The following MCTP1 variants were observed in gnomAD, a reference collection of about 807,000 sequenced individuals.
MCTP1 encodes multiple C2 and transmembrane domain-containing protein 1.
Under a neutral mutation model 120.6 loss-of-function variants are expected in MCTP1, and 69 were observed. The ratio of observed to expected loss-of-function variants is 0.57; its 90% CI spans 0.47 to 0.70. The LOEUF (loss-of-function observed/expected upper bound fraction) is 0.70, where lower values mean the gene tolerates loss of function less well. Among genes scored for constraint, MCTP1 ranks in the 30% least tolerant of loss-of-function variants. The pLI, the probability that MCTP1 is intolerant of heterozygous loss-of-function variation, is 0.00. For synonymous variants in MCTP1, 529 were observed against 493.1 expected, an observed-to-expected ratio of 1.07 and a Z score of -0.96; for missense variants, 1,203 against 1,248.8, an observed-to-expected ratio of 0.96 and a Z score of 0.55.
intron 2 of MCTP1, among the ~76,000 whole-genome samples, chr5:95,010,448 G>A (rs967435581): frequency 1.4e-4 from 21 of 152,008 alleles, no homozygotes; most frequent in South Asian, 8.3e-4. Context: ...ATATAAATTC[G>A]CAAATCTCAA....
chr5:95,223,098 C>T (rs1204031922), intron 1 of MCTP1, among the ~76,000 whole-genome samples: 2 of 152,176 alleles, frequency 1.3e-5, no homozygotes, highest in Non-Finnish European at 2.9e-5. Context: ...TACTTATTTA[C>T]TCATCAGCTT....
chr5:95,009,943 C>T (rs919658451), intron 2 of MCTP1, among the ~76,000 whole-genome samples: 3 of 152,130 alleles, frequency 2.0e-5, no homozygotes, highest in African/African-American at 4.8e-5. Context: ...GTGCCCGTTA[C>T]GTAGAAATGA....
intron 18 of MCTP1, among the ~76,000 whole-genome samples, chr5:94,782,423 G>T (rs1776762088): frequency 6.6e-6 from 1 of 152,090 alleles, no homozygotes. Context: ...TAATGGTCCA[G>T]TGAAATGGAT....
intron 7 of MCTP1, among the ~76,000 whole-genome samples, chr5:94,920,538 C>G (rs1487636532): frequency 1.3e-5 from 2 of 151,676 alleles, no homozygotes; most frequent in African/African-American, 2.4e-5. Context: ...GTCAGGAGAT[C>G]GAGACCATCC....
chr5:94,880,307 G>C (rs894439112), intron 12 of MCTP1, among the ~76,000 whole-genome samples: 1 of 152,060 alleles, frequency 6.6e-6, no homozygotes, highest in Admixed American at 6.6e-5. Context: ...AGGACTTATA[G>C]TAAATATATA....
chr5:95,280,022 T>G (rs919194698), intron 1 of MCTP1, among the ~76,000 whole-genome samples: 2 of 152,196 alleles, frequency 1.3e-5, no homozygotes, highest in Non-Finnish European at 2.9e-5. Context: ...TGTGCCTTCT[T>G]TAAGATGGAG....
At chr5:94,906,567 G>T (rs1006818221) in intron 10 of MCTP1, among the ~76,000 whole-genome samples, 2 of 152,054 alleles carry the variant, frequency 1.3e-5, no homozygotes, top group Admixed American at 6.6e-5. Context: ...TTTGCAAGTG[G>T]CTCTTTCATT....
chr5:95,150,813 C>T (rs1434548577), intron 1 of MCTP1, among the ~76,000 whole-genome samples: 1 of 152,086 alleles, frequency 6.6e-6, no homozygotes, highest in Non-Finnish European at 1.5e-5. Context: ...GCACCAAAGT[C>T]CACAGTTGAA....
At chr5:95,111,431 A>G (rs151187511) in intron 1 of MCTP1, among the ~76,000 whole-genome samples, 70 of 152,338 alleles carry the variant, frequency 4.6e-4, no homozygotes, top group Admixed American at 1.3e-3. Context: ...CAAAGCTTTT[A>G]TCACAGCTTC....
intron 1 of MCTP1, among the ~76,000 whole-genome samples, chr5:95,108,905 T>C (rs1757275689): frequency 6.6e-6 from 1 of 152,228 alleles, no homozygotes; most frequent in Admixed American, 6.5e-5. Context: ...CAGTATCTAC[T>C]ATATACCAGA....
chr5:95,150,174 A>G (rs1367925009), intron 1 of MCTP1, among the ~76,000 whole-genome samples: 1 of 152,210 alleles, frequency 6.6e-6, no homozygotes, highest in African/African-American at 2.4e-5. Flanking sequence ...TCTAAAGTGC[A>G]GCATCTCTTC....
chr5:95,284,868 A>G lies in MCTP1; in HGVS notation c.-293T>C, dbSNP rs1488552458. ...ACCGAATCCCGGCCGCGGCGCCTGCAAAGTTTTTCCCTCGAAGCTCCGCGG... is the reference window on the plus strand; with the variant it reads ...ACCGAATCCCGGCCGCGGCGCCTGCGAAGTTTTTCCCTCGAAGCTCCGCGG... On this transcript the variant is annotated 5_prime_UTR_variant, in exon 1 of 23. Coordinates refer to ENST00000515393, the MANE Select transcript of MCTP1 (RefSeq NM_024717.7). The surrounding 1 kb of genome is among the most constrained non-coding windows in gnomAD (Gnocchi z 5.2). Among the ~76,000 whole-genome samples the G allele has an allele frequency of 2.0e-5, 3 of 151,962 alleles. No individual in the cohort carries two copies. The highest frequency in any genetic ancestry group is 1.5e-5 in the Non-Finnish European group (1 of 67,956).
At chr5:94,741,899 G>T (rs1002183276) in intron 19 of MCTP1, among the ~76,000 whole-genome samples, 4 of 152,168 alleles carry the variant, frequency 2.6e-5, no homozygotes, top group African/African-American at 7.2e-5. Context: ...TGAGATTGGG[G>T]TTAACAGTGC....
At chr5:95,076,050 A>T (rs1218785937) in intron 1 of MCTP1, among the ~76,000 whole-genome samples, 1 of 152,182 alleles carries the variant, frequency 6.6e-6, no homozygotes, top group Non-Finnish European at 1.5e-5. Flanking sequence ...GAAACAGTGG[A>T]TTGTACTGAA....
chr5:94,942,140 C>G (rs1033572842), intron 4 of MCTP1, among the ~76,000 whole-genome samples: 1 of 151,954 alleles, frequency 6.6e-6, no homozygotes, highest in Non-Finnish European at 1.5e-5. Flanking sequence ...AAGAAGTTTT[C>G]GGTTGAAAAG....
At chr5:95,128,015 T>C (rs1758761123) in intron 1 of MCTP1, among the ~76,000 whole-genome samples, 1 of 152,196 alleles carries the variant, frequency 6.6e-6, no homozygotes, top group Non-Finnish European at 1.5e-5. Flanking sequence ...TAGAAAGCCA[T>C]GCGAGGGCTT....
intron 1 of MCTP1, among the ~76,000 whole-genome samples, chr5:95,270,602 C>T (rs1486373629): frequency 2.0e-5 from 3 of 152,174 alleles, no homozygotes; most frequent in African/African-American, 4.8e-5. Context: ...AGGAACTCAT[C>T]AGCAAGTCAG....
intron 17 of MCTP1, among the ~76,000 whole-genome samples, chr5:94,836,882 T>C (rs1056429631): frequency 1.3e-5 from 2 of 152,232 alleles, no homozygotes; most frequent in African/African-American, 2.4e-5. Flanking sequence ...GAGGTTTTAA[T>C]TGGGAATATG....
At chr5:94,953,446 T>A in intron 2 of MCTP1, 85 bp from the exon 3 acceptor site, 2 of 1,098,496 alleles carry the variant, frequency 1.8e-6, no homozygotes, top group Non-Finnish European at 2.5e-6. Flanking sequence ...CAAAAAGTAT[T>A]TAAAGGAAGA....
Sources: gnomAD v4.1 joint callset for allele counts (sites outside exome capture counted in the v4.1 genomes callset) on GRCh38, gnomAD v4.1.1 for gene constraint, Gnocchi (gnomAD v3.1) non-coding constraint, MANE v1.5 for transcripts, NCBI Gene and HGNC (gene_info 2026-07-23, HGNC 2026-07-21) for gene names.